Variants in COQ10B observed in about 807,000 individuals in gnomAD.
COQ10B encodes the protein coenzyme Q-binding protein COQ10 homolog B, mitochondrial.
In COQ10B, 12 loss-of-function variants were observed where a neutral mutation model predicts 27.6. The observed-to-expected ratio is 0.43, with a 90% CI of 0.28 to 0.70. The LOEUF is 0.70. Ranked by LOEUF, COQ10B falls within the 30% of genes least tolerant of loss-of-function variation. The probability of loss-of-function intolerance (pLI) is 0.17; values close to 1 mark genes in which losing one functional copy is unlikely to be tolerated. For missense variants in COQ10B, 278 were observed against 288.7 expected, an observed-to-expected ratio of 0.96 and a Z score of 0.27; for synonymous variants, 115 against 103.0, an observed-to-expected ratio of 1.12 and a Z score of -0.71.
At chr2:197,455,946 G>C (rs2085693772) in intron 1 of COQ10B, among the ~76,000 whole-genome samples, 1 of 151,990 alleles carries the variant, frequency 6.6e-6, no homozygotes, top group Non-Finnish European at 1.5e-5. Context: ...GTGATGGAGT[G>C]AGACCCTGAC....
chr2:197,462,821 A>G, intron 3 of COQ10B, 90 bp downstream of exon 3: 1 of 725,102 alleles, frequency 1.4e-6, no homozygotes, highest in Non-Finnish European at 2.2e-6. Flanking sequence ...AAAAAAACTT[A>G]TTTAACCTAA....
intron 4 of COQ10B, among the ~76,000 whole-genome samples, chr2:197,473,310 T>A (rs919562231): frequency 1.3e-5 from 2 of 148,676 alleles, no homozygotes; most frequent in South Asian, 2.1e-4. Context: ...CCCAACACTT[T>A]GGGAGGCTGA....
In COQ10B at chr2:197,462,562, A is replaced by C; in HGVS notation, c.278A>C (p.Asp93Ala). ...AGATATTCAATGCAGGAAATGTATGATGTAGTATCGGGAGTGGAGGATTAC... is the reference window on the plus strand; with the variant it reads ...AGATATTCAATGCAGGAAATGTATGCTGTAGTATCGGGAGTGGAGGATTAC... ...ILGYSMQEMY[D>A]VVSGVEDYKH... Residue 93 changes from aspartate (D) to alanine (A), a missense_variant, in exon 3 of 5, where the codon GAT becomes GCT. Coordinates refer to ENST00000263960, the MANE Select transcript of COQ10B (RefSeq NM_025147.5). 1 of 1,582,640 alleles carries C rather than the reference A, an allele frequency of 6.3e-7. No individual in the cohort carries two copies. Among genetic ancestry groups the C allele is most frequent in the Non-Finnish European group, 8.6e-7 (1 of 1,160,310 alleles).
chr2:197,467,826 G>A (rs888607348), intron 3 of COQ10B, among the ~76,000 whole-genome samples: 1 of 152,242 alleles, frequency 6.6e-6, no homozygotes, highest in South Asian at 2.1e-4. Context: ...CACTTAATAT[G>A]TCAGTAATTC....
intron 1 of COQ10B, among the ~76,000 whole-genome samples, chr2:197,458,116 CT>C (rs140427468): frequency 1.9e-4 from 27 of 143,696 alleles, no homozygotes; most frequent in South Asian, 2.2e-4. Context: ...TTTTCTTTTT[CT>C]TTTTTTTTTT....
chr2:197,455,031 A>G (rs539399545), intron 1 of COQ10B, among the ~76,000 whole-genome samples: 8 of 152,262 alleles, frequency 5.3e-5, no homozygotes, highest in Admixed American at 3.3e-4. Context: ...CACTGTAACT[A>G]TAGCATGCAG....
chr2:197,454,070 C>G (rs767292013), intron 1 of COQ10B: 2 of 1,551,222 alleles, frequency 1.3e-6, no homozygotes, highest in South Asian at 1.2e-5. Context: ...TTCTCCGGTT[C>G]CTTCTACCTG....
chr2:197,460,210 CTTTTTTT>C lies in COQ10B; in HGVS notation c.254+139_254+145del, dbSNP rs781514263. The C allele has an allele frequency of 2.9e-4, 108 of 374,616 alleles. 1 individual carries two copies. The highest frequency in any genetic ancestry group is 3.7e-4 in the Non-Finnish European group (81 of 218,192). The allele number at this position is 374,616 out of a possible 1,614,324, so 23.2% of individuals were successfully genotyped here. ...CTCTCTTTTCTAGGTTGGCCTTTTT[CTTTTTTT>C]TTTTTTTTTCTTTTGAGATGGAGTC... On this transcript the variant is annotated intron_variant, in intron 2 of 4. Coordinates refer to ENST00000263960, the MANE Select transcript of COQ10B (RefSeq NM_025147.5).
At chr2:197,458,682 C>CTT (rs138890869) in intron 1 of COQ10B, among the ~76,000 whole-genome samples, 21 of 139,882 alleles carry the variant, frequency 1.5e-4, no homozygotes, top group Non-Finnish European at 2.0e-4. Flanking sequence ...TTTCTTTTCT[C>CTT]TTTTTTTTTT....
At chr2:197,466,814 T>C (rs1158557325) in intron 3 of COQ10B, among the ~76,000 whole-genome samples, 7 of 152,196 alleles carry the variant, frequency 4.6e-5, no homozygotes, top group Non-Finnish European at 1.0e-4. Context: ...TTTTTTCTTT[T>C]TTTTTTTCCT....
rs2085739767 is a variant in COQ10B, at chr2:197,460,046, C to T, written c.219C>T (p.Asn73=). 1 of 1,609,402 alleles carries T rather than the reference C, an allele frequency of 6.2e-7. No individual in the cohort carries two copies. Among genetic ancestry groups the T allele is most frequent in the African/African-American group, 1.3e-5 (1 of 74,770 alleles). The part of the protein sequence containing the change: ...TFFKITAPLI[N]KRKEYSERRI... ...TCAAAATCACTGCACCATTAATAAA[C>T]AAAAGGAAAGAATATTCAGAGAGAA... The change falls in exon 2 of 5, where the codon AAC becomes AAT. Residue 73 remains asparagine, a synonymous_variant. Transcript: ENST00000263960.
chr2:197,457,174 G>A (rs2085709020), intron 1 of COQ10B, among the ~76,000 whole-genome samples: 1 of 152,168 alleles, frequency 6.6e-6, no homozygotes, highest in Non-Finnish European at 1.5e-5. Flanking sequence ...GAACTCAGGC[G>A]GTAATACTCA....
At chr2:197,463,335 A>G (rs765240404) in intron 3 of COQ10B, among the ~76,000 whole-genome samples, 13 of 151,724 alleles carry the variant, frequency 8.6e-5, no homozygotes, top group Non-Finnish European at 1.6e-4. Flanking sequence ...AGCCGGGCGT[A>G]GTGGTGCTTG....
intron 3 of COQ10B, among the ~76,000 whole-genome samples, chr2:197,465,811 T>TGTG (rs751228854): frequency 1.3e-5 from 2 of 151,880 alleles, no homozygotes; most frequent in Non-Finnish European, 2.9e-5. Flanking sequence ...ACAGGCTGGA[T>TGTG]GTGGTGGCTA....
intron 3 of COQ10B, among the ~76,000 whole-genome samples, chr2:197,467,324 AT>A (rs1255300565): frequency 2.0e-5 from 3 of 150,672 alleles, no homozygotes; most frequent in Non-Finnish European, 4.4e-5. Flanking sequence ...CAGGTTCTGG[AT>A]TTGATTGATT....
At chr2:197,458,572 G>A (rs1559291250) in intron 1 of COQ10B, among the ~76,000 whole-genome samples, 2 of 152,068 alleles carry the variant, frequency 1.3e-5, no homozygotes, top group African/African-American at 4.8e-5. Context: ...TAGAATAGGA[G>A]CTCAGTAAAT....
At position 197,474,088 on chromosome 2, in the gene COQ10B, T is replaced by A; in HGVS notation, c.*164T>A. ...TGCACATAGAATATAGACTCACTTG[T>A]ACATAGAATTATTTCTTCAAGTATA... On this transcript the variant is annotated 3_prime_UTR_variant, in exon 5 of 5. Transcript: ENST00000263960. The A allele has an allele frequency of 2.4e-6, 1 of 412,516 alleles. No homozygotes were observed. Among genetic ancestry groups the A allele is most frequent in the Non-Finnish European group, 4.2e-6 (1 of 236,424 alleles). 25.6% of individuals were successfully genotyped at this position (412,516 alleles called of 1,614,324 possible). A position where few individuals can be genotyped will look rare whatever the true frequency, so the allele number is the denominator to read the frequency against.
At chr2:197,469,256 G>A (rs2085856466) in intron 3 of COQ10B, among the ~76,000 whole-genome samples, 1 of 152,218 alleles carries the variant, frequency 6.6e-6, no homozygotes, top group Non-Finnish European at 1.5e-5. Context: ...CCAGGCTGGA[G>A]TGCAGTGGCA....
chr2:197,466,009 T>C (rs527590753), intron 3 of COQ10B, among the ~76,000 whole-genome samples: 54 of 152,086 alleles, frequency 3.6e-4, no homozygotes, highest in Non-Finnish European at 5.4e-4. Context: ...GAAGAATCAC[T>C]TGAACCCAGG....
Sources: gnomAD v4.1 joint callset for allele counts (sites outside exome capture counted in the v4.1 genomes callset) on GRCh38, gnomAD v4.1.1 for gene constraint, MANE v1.5 for transcripts, NCBI Gene and HGNC (gene_info 2026-07-23, HGNC 2026-07-21) for gene names.